The following FNBP1 variants were observed in gnomAD, a reference collection of about 807,000 sequenced individuals.
FNBP1 encodes the protein formin binding protein 1.
Under a neutral mutation model 90.6 loss-of-function variants are expected in FNBP1, and 26 were observed. That is an observed-to-expected ratio of 0.29 (90% CI 0.21 to 0.40). FNBP1 has a LOEUF of 0.40. FNBP1 is among the 10% of genes least tolerant of loss of function. FNBP1 has a pLI of 1.00. For synonymous variants in FNBP1, 260 were observed against 265.2 expected, an observed-to-expected ratio of 0.98 and a Z score of 0.19; for missense variants, 635 against 768.0, an observed-to-expected ratio of 0.83 and a Z score of 2.05.
At chr9:130,014,228 A>T (rs1025024191) in intron 1 of FNBP1, among the ~76,000 whole-genome samples, 3 of 149,856 alleles carry the variant, frequency 2.0e-5, no homozygotes, top group Admixed American at 6.7e-5. Context: ...ATAATGTTCT[A>T]TTTCTTATTT....
intron 11 of FNBP1, among the ~76,000 whole-genome samples, chr9:129,910,460 C>T (rs571418378): frequency 5.5e-5 from 6 of 109,800 alleles, no homozygotes; most frequent in African/African-American, 1.0e-4. Flanking sequence ...CCAGCCTGGG[C>T]GACAATGCGA....
intron 1 of FNBP1, among the ~76,000 whole-genome samples, chr9:130,017,899 C>T (rs2057407396): frequency 6.8e-6 from 1 of 147,908 alleles, no homozygotes; most frequent in African/African-American, 2.5e-5. Context: ...TTTTACCTCC[C>T]CAATACAACA....
chr9:129,922,893 TA>T (rs1171588294), intron 10 of FNBP1, among the ~76,000 whole-genome samples: 3 of 152,134 alleles, frequency 2.0e-5, no homozygotes, highest in Non-Finnish European at 4.4e-5. Flanking sequence ...TATTATTTAT[TA>T]TTTTTTTTTA....
rs1404632804 is a variant in FNBP1, at chr9:129,900,206, G to A, written c.1551-105C>T. On this transcript the variant is annotated intron_variant, in intron 14 of 16. Transcript: ENST00000446176. The surrounding 1 kb of genome is among the most constrained non-coding windows in gnomAD (Gnocchi z 4.1). ...AGCACTTGCAACCCCGCCCCTCAGCGAGTGCTGTAACTGAGGCCATGGTAA... is the reference window on the plus strand; with the variant it reads ...AGCACTTGCAACCCCGCCCCTCAGCAAGTGCTGTAACTGAGGCCATGGTAA... 1.2e-5 allele frequency: 16 copies of A among 1,302,644 alleles called. No homozygotes were observed. Among genetic ancestry groups the A allele is most frequent in the African/African-American group, 1.2e-4 (8 of 66,520 alleles). The allele number at this position is 1,302,644 out of a possible 1,614,324, so 80.7% of individuals were successfully genotyped here.
At chr9:129,994,439 C>G (rs1434262127) in intron 2 of FNBP1, among the ~76,000 whole-genome samples, 1 of 152,032 alleles carries the variant, frequency 6.6e-6, no homozygotes, top group Non-Finnish European at 1.5e-5. Context: ...GGCCAGGGGG[C>G]CTGCCAGGCT....
At chr9:129,979,249 T>C (rs2050810496) in intron 3 of FNBP1, 69 bp downstream of exon 3, 2 of 867,746 alleles carry the variant, frequency 2.3e-6, no homozygotes, top group African/African-American at 3.4e-5. Context: ...AGACATGTAT[T>C]TCTCCTTTCC....
At position 130,042,687 on chromosome 9, in the gene FNBP1, C is replaced by A. The variant is rs2059941859; in HGVS notation, c.24+265G>T. On this transcript the variant is annotated intron_variant, in intron 1 of 16. Transcript: ENST00000446176. This position sits in a 1 kb window ranked among gnomAD's most constrained non-coding sequence, Gnocchi z 5.5. ...ACGGCCCGCTCCGGGGCGCCGGGGA[C>A]AGGGAGGCCCGCCCGCGCCGTTCCT... Among the ~76,000 whole-genome samples the A allele has an allele frequency of 6.6e-6, 1 of 151,728 alleles. No individual in the cohort carries two copies. Among genetic ancestry groups the A allele is most frequent in the Admixed American group, 6.6e-5 (1 of 15,222 alleles).
intron 1 of FNBP1, among the ~76,000 whole-genome samples, chr9:129,999,355 C>T (rs1428578989): frequency 1.3e-5 from 2 of 151,900 alleles, no homozygotes; most frequent in African/African-American, 2.4e-5. Context: ...CAGCATTTTG[C>T]GAGGCCGAGG....
At chr9:130,006,613 T>C (rs2055740563) in intron 1 of FNBP1, among the ~76,000 whole-genome samples, 1 of 152,058 alleles carries the variant, frequency 6.6e-6, no homozygotes, top group Admixed American at 6.6e-5. Context: ...GAGGTTGCAG[T>C]GAGACATGAT....
intron 1 of FNBP1, among the ~76,000 whole-genome samples, chr9:130,022,471 T>C (rs1589319471): frequency 6.6e-6 from 1 of 152,350 alleles, no homozygotes; most frequent in East Asian, 1.9e-4. Flanking sequence ...CCTTCCGAAG[T>C]GCTGGGATTA....
intron 1 of FNBP1, among the ~76,000 whole-genome samples, chr9:130,017,356 G>T (rs767549558): frequency 9.9e-5 from 15 of 152,076 alleles, no homozygotes; most frequent in Non-Finnish European, 2.1e-4. Context: ...ACAGTATTCA[G>T]CTTTAAAAAA....
chr9:129,952,150 C>T (rs1297471855), intron 6 of FNBP1, among the ~76,000 whole-genome samples: 20 of 151,984 alleles, frequency 1.3e-4, no homozygotes, highest in Non-Finnish European at 1.6e-4. Context: ...TGAGATTACA[C>T]CACTGCACTC....
At chr9:130,017,874 T>G (rs78187184) in intron 1 of FNBP1, among the ~76,000 whole-genome samples, 2 of 147,476 alleles carry the variant, frequency 1.4e-5, no homozygotes, top group Middle Eastern at 3.3e-3. Flanking sequence ...TAACGTGGTT[T>G]TTTTTTTTTT....
At chr9:129,995,349 T>C (rs753571961) in intron 1 of FNBP1, among the ~76,000 whole-genome samples, 7 of 152,138 alleles carry the variant, frequency 4.6e-5, no homozygotes, top group Non-Finnish European at 8.8e-5. Context: ...AACAGCTGAT[T>C]GAATCTGAGC....
At chr9:129,960,953 T>A (rs1471320676) in intron 4 of FNBP1, among the ~76,000 whole-genome samples, 1 of 151,882 alleles carries the variant, frequency 6.6e-6, no homozygotes, top group Non-Finnish European at 1.5e-5. Context: ...GAGAAGTGGG[T>A]CTGAGGAGGA....
At chr9:129,965,809 GAGGGAGGGAGGA>G (rs1588938643) in intron 4 of FNBP1, among the ~76,000 whole-genome samples, 139 of 56,246 alleles carry the variant, frequency 2.5e-3, no homozygotes, top group Non-Finnish European at 3.6e-3. Flanking sequence ...GGGAAGGAGG[GAGGGAGGGAGGA>G]AGGAAGGAAG....
At chr9:130,046,996 T>A (rs1326658132), upstream of FNBP1, among the ~76,000 whole-genome samples, 3 of 152,024 alleles carry the variant, frequency 2.0e-5, no homozygotes, top group Non-Finnish European at 4.4e-5. Context: ...ACAGATCACA[T>A]AACCTAAAAC....
rs71497501 is a variant in FNBP1, at chr9:129,905,292, G to GTA, written c.1296-2292_1296-2291insTA. On this transcript the variant is annotated intron_variant, in intron 12 of 16. Coordinates refer to ENST00000446176, the MANE Select transcript of FNBP1 (RefSeq NM_015033.3). Reference sequence around the variant, plus strand: ...TGTTGAATTGTGTGTGTGTGTGTGTGTGTATATATATATATATATATTTTG... The same window carrying GTA: ...TGTTGAATTGTGTGTGTGTGTGTGTGTATGTATATATATATATATATATTTTG... Among the ~76,000 whole-genome samples the GTA allele has an allele frequency of 5.1e-3, 286 of 56,288 alleles. 1 individual carries two copies. The East Asian group carries it at 0.056, about 11-fold the overall frequency. 36.9% of individuals were successfully genotyped at this position (56,288 alleles called of 152,430 possible).
At chr9:129,980,812 G>C (rs893748140) in intron 2 of FNBP1, among the ~76,000 whole-genome samples, 26 of 151,874 alleles carry the variant, frequency 1.7e-4, no homozygotes, top group African/African-American at 6.0e-4. Flanking sequence ...AGCACTTTGG[G>C]AGGCTGAGGC....
Sources: allele counts gnomAD v4.1 joint callset (sites outside exome capture counted in the v4.1 genomes callset), GRCh38; gene constraint gnomAD v4.1.1; non-coding constraint Gnocchi (gnomAD v3.1); transcripts MANE v1.5; gene names NCBI Gene and HGNC (gene_info 2026-07-23, HGNC 2026-07-21).